Variants in ARIH1 observed in about 807,000 individuals in gnomAD.
The protein encoded by ARIH1 is ariadne RBR E3 ubiquitin protein ligase 1.
Under a neutral mutation model 85.0 loss-of-function variants are expected in ARIH1, and 8 were observed. That is an observed-to-expected ratio of 0.09 (90% CI 0.06 to 0.17). The LOEUF is 0.17. Among genes scored for constraint, ARIH1 ranks in the 10% least tolerant of loss-of-function variants. The pLI, the probability that ARIH1 is intolerant of heterozygous loss-of-function variation, is 1.00. For missense variants in ARIH1, 311 were observed against 718.1 expected (o/e 0.43, Z 6.48); for synonymous variants, 238 against 253.6 (o/e 0.94, Z 0.59).
intron 1 of ARIH1, among the ~76,000 whole-genome samples, chr15:72,509,054 G>C (rs2063939004): frequency 6.9e-6 from 1 of 145,888 alleles, no homozygotes; most frequent in South Asian, 2.2e-4. Flanking sequence ...GCAGTGGCCT[G>C]ATCTCAGCTC....
rs538185932 is a variant in ARIH1 at position 72,508,959 on chromosome 15, G to T, written c.376-9108G>T. 1.7e-4 allele frequency among the ~76,000 whole-genome samples: 25 copies of T among 151,020 alleles called. No homozygotes were observed. In the South Asian group the frequency reaches 5.2e-3, roughly 32 times the overall value. On this transcript the variant is annotated intron_variant, in intron 1 of 13. Coordinates refer to ENST00000379887, the MANE Select transcript of ARIH1 (RefSeq NM_005744.5). ...TCTACCCGCCTTAGCTTCCCAAAGT[G>T]CTGGGATTACAGGTGTGAGCCACTG...
chr15:72,492,112 A>G (rs1025565988), intron 1 of ARIH1, among the ~76,000 whole-genome samples: 18 of 152,218 alleles, frequency 1.2e-4, no homozygotes, highest in Non-Finnish European at 2.9e-5. Flanking sequence ...TACCATCCTC[A>G]AGAAAATATC....
chr15:72,496,692 C>T (rs1567339537), intron 1 of ARIH1: 2 of 509,088 alleles, frequency 3.9e-6, no homozygotes, highest in Admixed American at 1.3e-4. Context: ...TCTGGTTTTC[C>T]CCACCCCTTT....
chr15:72,534,088 C>T (rs1159973237), intron 2 of ARIH1, among the ~76,000 whole-genome samples: 1 of 151,978 alleles, frequency 6.6e-6, no homozygotes, highest in Non-Finnish European at 1.5e-5. Context: ...ATAGATAAAT[C>T]TTAAAAACAT....
In ARIH1 at chr15:72,502,579, CT is replaced by C. The variant is rs1460175757; in HGVS notation, c.376-15487del. On this transcript the variant is annotated intron_variant, in intron 1 of 13. Transcript: ENST00000379887. ...CAGCACTTTGGGAGGCTAAGACAGG[CT>C]GATTGCTTCAGCCCAAGAGTTTCAG... Among the ~76,000 whole-genome samples the C allele has an allele frequency of 8.5e-5, 13 of 152,224 alleles. No homozygotes were observed. In the South Asian group the frequency reaches 1.5e-3, roughly 17 times the overall value.
At chr15:72,511,603 C>T (rs1203669597) in intron 1 of ARIH1, among the ~76,000 whole-genome samples, 2 of 152,148 alleles carry the variant, frequency 1.3e-5, no homozygotes, top group Non-Finnish European at 2.9e-5. Context: ...CCGTGCCTGG[C>T]CCAGCTGATC....
At chr15:72,494,180 T>G (rs1199468306) in intron 1 of ARIH1, among the ~76,000 whole-genome samples, 2 of 152,198 alleles carry the variant, frequency 1.3e-5, no homozygotes, top group African/African-American at 4.8e-5. Context: ...AGTACTTGAT[T>G]TATTTTTATC....
At chr15:72,568,911 G>C (rs555926729) in intron 9 of ARIH1, among the ~76,000 whole-genome samples, 2 of 152,100 alleles carry the variant, frequency 1.3e-5, no homozygotes, top group Non-Finnish European at 2.9e-5. Flanking sequence ...TACTAATATA[G>C]TGGGTGATCC....
chr15:72,515,072 T>C (rs1045762132), intron 1 of ARIH1, among the ~76,000 whole-genome samples: 2 of 151,736 alleles, frequency 1.3e-5, no homozygotes, highest in African/African-American at 4.8e-5. Flanking sequence ...TAATAACTGC[T>C]GGCCTGTAAT....
rs770458812 is a variant in ARIH1 at position 72,588,358 on chromosome 15, A to T, written c.*5066A>T. 2 of 152,198 alleles carry T rather than the reference A, an allele frequency of 1.3e-5. No individual in the cohort carries two copies. The highest frequency in any genetic ancestry group is 2.9e-5 in the Non-Finnish European group (2 of 68,032). The allele number at this position is 152,198 out of a possible 1,614,324, so 9.4% of individuals were successfully genotyped here. A position where few individuals can be genotyped will look rare whatever the true frequency, so the allele number is the denominator to read the frequency against. On this transcript the variant is annotated 3_prime_UTR_variant, in exon 14 of 14. Coordinates refer to ENST00000379887, the MANE Select transcript of ARIH1 (RefSeq NM_005744.5). ...CCTAGACCAGTGATACTTAAACTTG[A>T]CTGCGAATTGGAATCACTGAGAAGC... is the stretch of plus-strand genomic sequence containing the variant.
At chr15:72,561,686 A>G in intron 6 of ARIH1, 137 bp downstream of exon 6, 1 of 598,930 alleles carries the variant, frequency 1.7e-6, no homozygotes, top group Non-Finnish European at 2.7e-6. Flanking sequence ...CTTTATTCTC[A>G]AAAGAGTATG....
chr15:72,541,022 A>G lies in ARIH1; in HGVS notation c.444-3798A>G, dbSNP rs142671733. On this transcript the variant is annotated intron_variant, in intron 2 of 13. Coordinates refer to ENST00000379887, the MANE Select transcript of ARIH1 (RefSeq NM_005744.5). ...AAAGGAATGAGAAAAGACAAGAGAC[A>G]AAGTGGGACCAGGGGGCCAACGCTA... is the stretch of plus-strand genomic sequence containing the variant. Among the ~76,000 whole-genome samples, 80 of 152,280 alleles carry G rather than the reference A, an allele frequency of 5.3e-4. No homozygotes were observed. In the East Asian group the frequency reaches 0.015, roughly 28 times the overall value.
chr15:72,483,729 T>G (rs2063825467), intron 1 of ARIH1, among the ~76,000 whole-genome samples: 1 of 152,208 alleles, frequency 6.6e-6, no homozygotes, highest in Non-Finnish European at 1.5e-5. Context: ...CTAATAACCT[T>G]TCAGTGGCTT....
At chr15:72,529,465 A>G (rs770863090) in intron 2 of ARIH1, among the ~76,000 whole-genome samples, 2 of 152,196 alleles carry the variant, frequency 1.3e-5, no homozygotes, top group Non-Finnish European at 2.9e-5. Flanking sequence ...CCTGGACTCA[A>G]GCAGTCCTCC....
At chr15:72,555,441 A>T in intron 4 of ARIH1, 78 bp downstream of exon 4, 1 of 985,184 alleles carries the variant, frequency 1.0e-6, no homozygotes, top group Non-Finnish European at 1.6e-6. Flanking sequence ...TTGCACAAAT[A>T]AAAACAGGTG....
At chr15:72,575,020 C>T (rs1391429728) in intron 11 of ARIH1, among the ~76,000 whole-genome samples, 1 of 151,628 alleles carries the variant, frequency 6.6e-6, no homozygotes, top group Admixed American at 6.6e-5. Flanking sequence ...ATTGCTTGAG[C>T]TCAGGAGTTC....
At chr15:72,545,015 A>G (rs1469731926) in intron 3 of ARIH1, 51 bp downstream of exon 3, 1 of 1,458,316 alleles carries the variant, frequency 6.9e-7, no homozygotes, top group East Asian at 2.3e-5. Context: ...TTCAGAGGGT[A>G]AATCAACTTC....
Position 72,582,122 on chromosome 15 carries a change from C to T in ARIH1, c.1524C>T (p.Tyr508=), listed in dbSNP as rs1180779674. The change falls in exon 13 of 14, where the codon TAC becomes TAT. Residue 508 remains tyrosine (Y), a synonymous_variant. Transcript: ENST00000379887. The surrounding 1 kb of genome is among the most constrained non-coding windows in gnomAD (Gnocchi z 4.6). Reference sequence around the variant, plus strand: ...ATGCCACAGAGGTGCTCTCGGGCTACCTTGAACGAGATATTTCCCAAGATT... The same window carrying T: ...ATGCCACAGAGGTGCTCTCGGGCTATCTTGAACGAGATATTTCCCAAGATT... ...LENATEVLSG[Y]LERDISQDSL... 1 of 1,613,492 alleles carries T rather than the reference C, an allele frequency of 6.2e-7. No individual in the cohort carries two copies. Among genetic ancestry groups the T allele is most frequent in the Non-Finnish European group, 8.5e-7 (1 of 1,179,622 alleles).
At chr15:72,512,647 G>C (rs891616415) in intron 1 of ARIH1, among the ~76,000 whole-genome samples, 1 of 148,954 alleles carries the variant, frequency 6.7e-6, no homozygotes, top group Non-Finnish European at 1.5e-5. Context: ...TCTTACATAA[G>C]CATTTAATAT....
Sources: gnomAD v4.1 joint callset for allele counts (sites outside exome capture counted in the v4.1 genomes callset) on GRCh38, gnomAD v4.1.1 for gene constraint, Gnocchi (gnomAD v3.1) non-coding constraint, MANE v1.5 for transcripts, NCBI Gene and HGNC (gene_info 2026-07-23, HGNC 2026-07-21) for gene names.